The following NOP56 variants were observed in gnomAD, a reference collection of about 807,000 sequenced individuals.
NOP56 encodes nucleolar protein 56.
A neutral mutation model predicts 58.3 loss-of-function variants in NOP56; 31 were observed. That is an observed-to-expected ratio of 0.53 (90% CI 0.40 to 0.72). The LOEUF is 0.72. Ranked by LOEUF, NOP56 falls within the 30% of genes least tolerant of loss-of-function variation. The pLI is 0.00. For missense variants in NOP56, 669 were observed against 739.9 expected (o/e 0.90, Z 1.11); for synonymous variants, 313 against 282.8 (o/e 1.11, Z -1.07).
Position 2,653,388 on chromosome 20 carries a change from C to T in NOP56, c.203C>T (p.Ser68Phe), listed in dbSNP as rs747898509. The T allele has an allele frequency of 6.2e-7, 1 of 1,613,578 alleles. No homozygotes were observed. Among genetic ancestry groups the T allele is most frequent in the South Asian group, 1.1e-5 (1 of 91,074 alleles). The change falls in exon 3 of 12, where the codon TCT becomes TTT. Residue 68 changes from serine to phenylalanine, a missense_variant. This residue lies in a region of NOP56 where 121 missense variants were observed against 113.1 expected (regional missense o/e 1.07). Coordinates refer to ENST00000329276, the MANE Select transcript of NOP56 (RefSeq NM_006392.4). ...GCCTTGGAAAATGCCAACGCCGTGT[C>T]TGAAGGTAAGTCGGCCACCGCCAAG... ...QVALENANAV[S>F]EGVVHEDLRL...
At chr20:2,656,360 G>T in intron 8 of NOP56, 41 bp from the exon 9 acceptor site, 3 of 1,613,026 alleles carry the variant, frequency 1.9e-6, no homozygotes, top group Non-Finnish European at 2.5e-6. Flanking sequence ...TAATGGGGTT[G>T]AAATTTCTGA....
chr20:2,654,623 G>T, intron 4 of NOP56, 48 bp downstream of exon 4: 1 of 1,609,136 alleles, frequency 6.2e-7, no homozygotes, highest in Non-Finnish European at 8.5e-7. Context: ...CATTTTGGGG[G>T]AGGAGGTTCT....
chr20:2,658,016 T>C lies in NOP56; in HGVS notation c.1507T>C (p.Phe503Leu). The C allele has an allele frequency of 6.2e-7, 1 of 1,613,066 alleles. No homozygotes were observed. Among genetic ancestry groups the C allele is most frequent in the African/African-American group, 1.3e-5 (1 of 75,000 alleles). ...TGGAATGGAAGACCCATCTATCTCT[T>C]TCTCCAAACCCAAGAAAAAGAAATC... ...ENGMEDPSIS[F>L]SKPKKKKSFS... Residue 503 changes from phenylalanine to leucine, a missense_variant, in exon 12 of 12, where the codon TTC becomes CTC. Phe to Leu is a conservative substitution (Grantham distance 22). Coordinates refer to ENST00000329276, the MANE Select transcript of NOP56 (RefSeq NM_006392.4).
At chr20:2,653,523 A>G (rs1354051101) in intron 3 of NOP56, 130 bp downstream of exon 3, 1 of 688,310 alleles carries the variant, frequency 1.5e-6, no homozygotes, top group African/African-American at 1.8e-5. Flanking sequence ...TATTTGAGCC[A>G]TACAATGTGT....
intron 1 of NOP56, 27 bp from the exon 2 acceptor site, chr20:2,652,815 A>G (rs750646629): frequency 5.0e-6 from 8 of 1,599,604 alleles, no homozygotes; most frequent in Admixed American, 1.7e-5. Context: ...GGTTGCGTTG[A>G]CGCTCGCGCC....
At chr20:2,654,632 C>G in intron 4 of NOP56, 57 bp downstream of exon 4, 1 of 1,608,176 alleles carries the variant, frequency 6.2e-7, no homozygotes, top group Non-Finnish European at 8.5e-7. Flanking sequence ...GGAGGAGGTT[C>G]TGGAAACTTG....
rs754062261 is a variant in NOP56 at position 2,652,896 on chromosome 20, A to G, written c.58A>G (p.Lys20Glu). ...GGTCGGCTACGCGCTGCTGGCGCTG[A>G]AGGAAGTGGAGGAGATCAGTCTGCT... ...HAVGYALLALKEVEEISLLQP... is the reference protein window; with the variant it reads ...HAVGYALLALEEVEEISLLQP... The change falls in exon 2 of 12, where the codon AAG becomes GAG. Residue 20 changes from lysine to glutamate, a missense_variant. Transcript: ENST00000329276. 6.2e-7 allele frequency: 1 copy of G among 1,610,238 alleles called. No individual in the cohort carries two copies. The highest frequency in any genetic ancestry group is 8.5e-7 in the Non-Finnish European group (1 of 1,178,654).
rs753478550 is a variant in NOP56, at chr20:2,656,491, C to T, written c.1101C>T (p.Arg367=). ...GAGCAGCTGCCAAGAACAAAGGCCG[C>T]ATCTCCCGATACCTGGCAAACAAAT... ...IGRAAAKNKG[R]ISRYLANKCS... is the part of the protein sequence containing the mutation. Residue 367 remains arginine, a synonymous_variant, in exon 9 of 12, where the codon CGC becomes CGT. Transcript: ENST00000329276. 5.6e-6 allele frequency: 9 copies of T among 1,614,118 alleles called. No homozygotes were observed. Among genetic ancestry groups the T allele is most frequent in the Admixed American group, 3.3e-5 (2 of 60,018 alleles).
chr20:2,654,172 T>A, intron 3 of NOP56: 1 of 726,340 alleles, frequency 1.4e-6, no homozygotes, highest in Non-Finnish European at 2.5e-6. Context: ...ACTTGTGCTA[T>A]CAGACCTGAA....
chr20:2,657,017 G>C, intron 10 of NOP56, 64 bp from the exon 11 acceptor site: 1 of 1,614,014 alleles, frequency 6.2e-7, no homozygotes, highest in Non-Finnish European at 8.5e-7. Context: ...ATCCAATAAA[G>C]CCAGAAAGGA....
rs774797749 is a variant in NOP56, at chr20:2,654,416, G to A, written c.211G>A (p.Val71Ile). Residue 71 changes from valine to isoleucine, a missense_variant and splice_region_variant, in exon 4 of 12, where the codon GTT becomes ATT. By Grantham distance (29) the Val-to-Ile change is conservative (BLOSUM62 3). This residue lies in a region of NOP56 where 121 missense variants were observed against 113.1 expected (regional missense o/e 1.07). Transcript: ENST00000329276. ...GGAACTGTGTTCTTTCCCCTGAGGG[G>A]TTGTTCATGAGGACCTCCGCCTGCT... ...LENANAVSEG[V>I]VHEDLRLLLE... The A allele has an allele frequency of 3.2e-5, 52 of 1,613,984 alleles. No individual in the cohort carries two copies. Among genetic ancestry groups the A allele is most frequent in the Non-Finnish European group, 4.2e-5 (49 of 1,180,018 alleles).
At chr20:2,652,746 GGCCTGGGCCTGCGCCTGC>G (rs1568539483) in intron 1 of NOP56, 78 bp from the exon 2 acceptor site, 1 of 1,530,144 alleles carries the variant, frequency 6.5e-7, no homozygotes, top group Non-Finnish European at 8.8e-7. Flanking sequence ...CCTGGGCCTG[GGCCTGGGCCTGCGCCTGC>G]GCCTGCGCCT....
At chr20:2,657,343 AAC>A in intron 11 of NOP56, 125 bp downstream of exon 11, 1 of 1,298,046 alleles carries the variant, frequency 7.7e-7, no homozygotes, top group Non-Finnish European at 1.1e-6. Context: ...AAGGACCTGA[AAC>A]ATCTAAAACT....
Position 2,653,290 on chromosome 20 carries a change from T to A in NOP56, c.105T>A (p.Ser35=), listed in dbSNP as rs2073194. 1 of 1,613,862 alleles carries A rather than the reference T, an allele frequency of 6.2e-7. No homozygotes were observed. Among genetic ancestry groups the A allele is most frequent in the South Asian group, 1.1e-5 (1 of 91,068 alleles). The change falls in exon 3 of 12, where the codon TCT becomes TCA. Residue 35 remains serine (S), a synonymous_variant. Transcript: ENST00000329276. ...CTTTCTCCCCCCAGGTGGAGGAGTC[T>A]GTGCTCAACCTGGGCAAATTCCACA... is the stretch of plus-strand genomic sequence containing the variant. ...ISLLQPQVEE[S]VLNLGKFHSI... is the part of the protein sequence containing the mutation.
At position 2,652,962 on chromosome 20, in the gene NOP56, C is replaced by A. The variant is rs1445896979; in HGVS notation, c.93+31C>A. ...TGAGATCCGTGGGCTCCTTTGGCGG[C>A]CCCGCAGACCCTCATCGCGCGGGTC... On this transcript the variant is annotated intron_variant, in intron 2 of 11. Transcript: ENST00000329276. The A allele has an allele frequency of 5.2e-6, 8 of 1,537,078 alleles. No homozygotes were observed. The East Asian group carries it at 1.9e-4, about 37-fold the overall frequency.
At position 2,657,913 on chromosome 20, in the gene NOP56, C is replaced by T. The variant is rs1600162678; in HGVS notation, c.1420-16C>T. 3 of 1,562,004 alleles carry T rather than the reference C, an allele frequency of 1.9e-6. No homozygotes were observed. The highest frequency in any genetic ancestry group is 2.4e-5 in the South Asian group (2 of 82,790). ...AGCACTGTTCTCACAGCCTGTTCCC[C>T]TGTCCTTCCCTTTAGGAGATGAGTG... is the stretch of plus-strand genomic sequence containing the variant. On this transcript the variant is annotated splice_polypyrimidine_tract_variant and intron_variant, in intron 11 of 11. Coordinates refer to ENST00000329276, the MANE Select transcript of NOP56 (RefSeq NM_006392.4).
At position 2,658,353 on chromosome 20, in the gene NOP56, C is replaced by A. The variant is rs2146301872; in HGVS notation, c.*59C>A. 6.2e-7 allele frequency: 1 copy of A among 1,605,700 alleles called. No individual in the cohort carries two copies. Among genetic ancestry groups the A allele is most frequent in the Non-Finnish European group, 8.5e-7 (1 of 1,176,098 alleles). On this transcript the variant is annotated 3_prime_UTR_variant, in exon 12 of 12. Transcript: ENST00000329276. Reference sequence around the variant, plus strand: ...TACCATAGCCCAAGGTGACATTTCCCACCCTGTGCCGTGTTCCCCAATAAA... The same window carrying A: ...TACCATAGCCCAAGGTGACATTTCCAACCCTGTGCCGTGTTCCCCAATAAA...
Position 2,656,536 on chromosome 20 carries a change from C to A in NOP56, c.1146C>A (p.Ile382=). ...LANKCSIASR[I]DCFSEVPTSV... is the part of the protein sequence containing the mutation. ...ACAAATGCAGTATTGCCTCACGAAT[C>A]GATTGCTTCTCTGGTATGGGTGGGG... The change falls in exon 9 of 12, where the codon ATC becomes ATA. Residue 382 remains isoleucine, a synonymous_variant. Coordinates refer to ENST00000329276, the MANE Select transcript of NOP56 (RefSeq NM_006392.4). 1 of 1,613,402 alleles carries A rather than the reference C, an allele frequency of 6.2e-7. No homozygotes were observed. The highest frequency in any genetic ancestry group is 8.5e-7 in the Non-Finnish European group (1 of 1,179,892).
rs116445545 is a variant in NOP56, at chr20:2,652,917, C to G, written c.79C>G (p.Leu27Val). Residue 27 changes from leucine (L) to valine (V), a missense_variant, in exon 2 of 12, where the codon CTG (leucine) becomes GTG (valine). Physicochemically the swap from Leu to Val is conservative, Grantham distance 32. Transcript: ENST00000329276. The part of the protein sequence containing the change: ...LALKEVEEIS[L>V]LQPQVEESVL... ...GCTGAAGGAAGTGGAGGAGATCAGT[C>G]TGCTGCAGCCGCAGGTGGGTGAGAT... 5.0e-6 allele frequency: 8 copies of G among 1,604,800 alleles called. No individual in the cohort carries two copies. The highest frequency in any genetic ancestry group is 3.5e-4 in the Middle Eastern group (2 of 5,756).
Sources: allele counts gnomAD v4.1 joint callset, GRCh38; gene constraint gnomAD v4.1.1; regional missense constraint gnomAD v4.1.1; transcripts MANE v1.5; gene names NCBI Gene and HGNC (gene_info 2026-07-23, HGNC 2026-07-21).